Variants in DOCK1 observed in about 807,000 individuals in gnomAD.
DOCK1 encodes the protein dedicator of cytokinesis protein 1.
A neutral mutation model predicts 262.7 loss-of-function variants in DOCK1; 138 were observed. That is an observed-to-expected ratio of 0.53 (90% confidence interval 0.46 to 0.61). DOCK1 has a LOEUF of 0.61. Ranked by LOEUF, DOCK1 falls within the 20% of genes least tolerant of loss-of-function variation. DOCK1 has a pLI of 0.00. For missense variants in DOCK1, 1,908 were observed against 2,370.7 expected (o/e 0.80, Z 4.05); for synonymous variants, 866 against 867.4 (o/e 1.00, Z 0.03).
chr10:127,024,341 T>C (rs867004), intron 14 of DOCK1, among the ~76,000 whole-genome samples: 61,007 of 151,974 alleles, frequency 0.4, 12,501 homozygotes, highest in African/African-American at 0.48. Flanking sequence ...GGGTTCCCAC[T>C]TTTTAGTCTA....
intron 18 of DOCK1, among the ~76,000 whole-genome samples, chr10:127,035,858 T>C (rs967962135): frequency 1.3e-5 from 2 of 151,820 alleles, no homozygotes; most frequent in African/African-American, 4.8e-5. Context: ...AAAAATTAGC[T>C]GTGCATGGTG....
chr10:127,254,269 C>T (rs1251526578), intron 28 of DOCK1, among the ~76,000 whole-genome samples: 2 of 152,156 alleles, frequency 1.3e-5, no homozygotes, highest in African/African-American at 4.8e-5. Flanking sequence ...CATTGCTTTT[C>T]AGTTTTTTTG....
intron 27 of DOCK1, among the ~76,000 whole-genome samples, chr10:127,134,915 G>A (rs2050560053): frequency 6.6e-6 from 1 of 152,112 alleles, no homozygotes. Context: ...GTTAGTATTA[G>A]GCTAGTGTCA....
intron 33 of DOCK1, among the ~76,000 whole-genome samples, chr10:127,364,861 G>A (rs370309507): frequency 2.0e-4 from 30 of 148,296 alleles, no homozygotes; most frequent in East Asian, 4.0e-4. Context: ...CTTTCCTCCC[G>A]TTCTCTCTCT....
chr10:127,308,374 C>G (rs895741555), intron 29 of DOCK1, among the ~76,000 whole-genome samples: 18 of 152,210 alleles, frequency 1.2e-4, no homozygotes, highest in African/African-American at 4.1e-4. Flanking sequence ...CCTCTTTCTC[C>G]CAGTTACACA....
intron 30 of DOCK1, 121 bp from the exon 31 acceptor site, chr10:127,343,524 TG>T: frequency 2.5e-6 from 2 of 809,928 alleles, no homozygotes; most frequent in Admixed American, 2.9e-5. Flanking sequence ...AGAGTGAGTG[TG>T]GGTTTTTTTT....
intron 1 of DOCK1, among the ~76,000 whole-genome samples, chr10:126,920,437 T>C (rs2033065559): frequency 6.6e-6 from 1 of 152,174 alleles, no homozygotes; most frequent in Non-Finnish European, 1.5e-5. Context: ...TCCTAGTCAT[T>C]GTGGGACCCC....
chr10:127,391,413 AAGC>A (rs2066471549), intron 38 of DOCK1, among the ~76,000 whole-genome samples: 1 of 152,194 alleles, frequency 6.6e-6, no homozygotes, highest in Non-Finnish European at 1.5e-5. Flanking sequence ...AATCAAGAAA[AAGC>A]AGCATCTTCT....
chr10:127,415,036 G>A lies in DOCK1; in HGVS notation c.4429-116G>A, dbSNP rs2068076329. On this transcript the variant is annotated intron_variant, in intron 43 of 51. Transcript: ENST00000623213. Reference sequence around the variant, plus strand: ...CCCTGTGCTGAGCACCACAGACCCTGTCCTGCTGAAGGACCTGACTCCTTT... The same window carrying A: ...CCCTGTGCTGAGCACCACAGACCCTATCCTGCTGAAGGACCTGACTCCTTT... The A allele has an allele frequency of 1.7e-5, 16 of 915,586 alleles. No homozygotes were observed. The East Asian group carries it at 4.2e-4, about 24-fold the overall frequency. 56.7% of individuals were successfully genotyped at this position (915,586 alleles called of 1,614,324 possible).
intron 27 of DOCK1, chr10:127,153,794 G>T: frequency 7.4e-7 from 1 of 1,343,266 alleles, no homozygotes; most frequent in Admixed American, 1.7e-5. Context: ...TGCATTTGTG[G>T]GTAAACATCA....
At chr10:127,071,981 C>A (rs1483864519) in intron 23 of DOCK1, among the ~76,000 whole-genome samples, 1 of 152,170 alleles carries the variant, frequency 6.6e-6, no homozygotes, top group Non-Finnish European at 1.5e-5. Flanking sequence ...CTCCTTTGGC[C>A]ATGGTGGCTT....
chr10:127,023,771 C>T (rs2042622370), intron 14 of DOCK1, among the ~76,000 whole-genome samples: 1 of 152,128 alleles, frequency 6.6e-6, no homozygotes, highest in Admixed American at 6.5e-5. Context: ...TTTGCCCAAC[C>T]TTATCGTGGA....
At chr10:127,367,249 C>A (rs1318521142) in intron 33 of DOCK1, among the ~76,000 whole-genome samples, 1 of 152,208 alleles carries the variant, frequency 6.6e-6, no homozygotes, top group African/African-American at 2.4e-5. Context: ...TTAGAACGTT[C>A]TTTCCCTTAC....
rs1409358751 is a variant in DOCK1 at position 127,211,996 on chromosome 10, A to C, written c.2848-36012A>C. ...AACCTGCAAATAAAATTAAATTTGC[A>C]TTTGAGAATACAATGTGTTTTCCTT... On this transcript the variant is annotated intron_variant, in intron 27 of 51. Coordinates refer to ENST00000623213, the MANE Select transcript of DOCK1 (RefSeq NM_001290223.2). 2.0e-5 allele frequency among the ~76,000 whole-genome samples: 3 copies of C among 152,222 alleles called. No homozygotes were observed. In the East Asian group the frequency reaches 5.8e-4, roughly 29 times the overall value.
intron 1 of DOCK1, among the ~76,000 whole-genome samples, chr10:126,966,241 CA>C (rs1190826034): frequency 6.6e-6 from 1 of 152,114 alleles, no homozygotes; most frequent in Non-Finnish European, 1.5e-5. Context: ...ATATATACCA[CA>C]TTTTTTTGTA....
intron 28 of DOCK1, among the ~76,000 whole-genome samples, chr10:127,251,652 A>G (rs1304469515): frequency 1.3e-5 from 2 of 149,862 alleles, no homozygotes; most frequent in East Asian, 3.9e-4. Context: ...TGTCCTTGCA[A>G]TAGTTTACTG....
rs1407724368 is a variant in DOCK1 at position 127,100,669 on chromosome 10, G to T, written c.2446-5562G>T. 6.6e-6 allele frequency among the ~76,000 whole-genome samples: 1 copy of T among 152,102 alleles called. No individual in the cohort carries two copies. The highest frequency in any genetic ancestry group is 1.5e-5 in the Non-Finnish European group (1 of 67,996). On this transcript the variant is annotated intron_variant, in intron 23 of 51. Transcript: ENST00000623213. This position sits in a 1 kb window ranked among gnomAD's most constrained non-coding sequence, Gnocchi z 5.5. ...AGGGGCTGGGGGAGCAGGGCCCTGC[G>T]CAGGGAGCTGGAAGGAGGGTGGAGA...
At chr10:127,343,442 G>A (rs2063510338) in intron 30 of DOCK1, among the ~76,000 whole-genome samples, 1 of 152,150 alleles carries the variant, frequency 6.6e-6, no homozygotes, top group Non-Finnish European at 1.5e-5. Flanking sequence ...ATTTGAATAT[G>A]TGCACCGTGA....
intron 2 of DOCK1, among the ~76,000 whole-genome samples, chr10:126,974,816 G>T (rs943748482): frequency 1.1e-4 from 16 of 152,134 alleles, no homozygotes; most frequent in African/African-American, 3.9e-4. Flanking sequence ...ACCCAGTGTG[G>T]TCTCTGGTAC....
Sources: gnomAD v4.1 joint callset for allele counts (sites outside exome capture counted in the v4.1 genomes callset) on GRCh38, gnomAD v4.1.1 for gene constraint, Gnocchi (gnomAD v3.1) non-coding constraint, MANE v1.5 for transcripts, NCBI Gene and HGNC (gene_info 2026-07-23, HGNC 2026-07-21) for gene names.